Variants in PCDHGA3 observed in about 807,000 individuals in gnomAD.
PCDHGA3 encodes the protein protocadherin gamma subfamily A, 3, also known as protocadherin gamma-A3.
PCDHGA3 carries 40 observed loss-of-function variants against 58.5 expected under a neutral mutation model. That is an observed-to-expected ratio of 0.68 (90% CI 0.53 to 0.89). PCDHGA3 has a LOEUF of 0.89. Among genes scored for constraint, PCDHGA3 ranks in the 40% least tolerant of loss-of-function variants. The pLI is 0.00. For synonymous variants in PCDHGA3, 530 were observed against 525.7 expected (o/e 1.01, Z -0.11); for missense variants, 1,223 against 1,195.9 (o/e 1.02, Z -0.33).
At chr5:141,420,811 CT>C (rs2096526727) in intron 1 of PCDHGA3, among the ~76,000 whole-genome samples, 1 of 152,214 alleles carries the variant, frequency 6.6e-6, no homozygotes, top group Admixed American at 6.5e-5. Flanking sequence ...TAAGCAAGCC[CT>C]TTTAATAATT....
intron 1 of PCDHGA3, among the ~76,000 whole-genome samples, chr5:141,406,715 A>G (rs2094843333): frequency 6.6e-6 from 1 of 152,252 alleles, no homozygotes; most frequent in Non-Finnish European, 1.5e-5. Flanking sequence ...CTTGCTCAAG[A>G]GAAGTTTCTA....
At chr5:141,435,728 A>T (rs549219746) in intron 1 of PCDHGA3, among the ~76,000 whole-genome samples, 1 of 152,200 alleles carries the variant, frequency 6.6e-6, no homozygotes, top group Non-Finnish European at 1.5e-5. Flanking sequence ...GCTAAAGTGT[A>T]TTACTCTTTG....
chr5:141,384,924 G>A (rs1467129756), intron 1 of PCDHGA3: 2 of 1,613,840 alleles, frequency 1.2e-6, no homozygotes, highest in African/African-American at 2.7e-5. Flanking sequence ...TGGCCGACCT[G>A]GGCAGCCTTG....
At chr5:141,394,282 C>G (rs375429182) in intron 1 of PCDHGA3, 11 of 1,613,864 alleles carry the variant, frequency 6.8e-6, no homozygotes, top group Non-Finnish European at 8.5e-6. Flanking sequence ...GTCACTTACT[C>G]TGTGACCGAG....
intron 1 of PCDHGA3, chr5:141,408,214 C>G (rs1225368283): frequency 1.3e-6 from 2 of 1,555,192 alleles, no homozygotes; most frequent in Admixed American, 2.0e-5. Context: ...TGGGAGGGAG[C>G]TGCGCGCAGA....
At position 141,418,010 on chromosome 5, in the gene PCDHGA3, G is replaced by T. The variant is rs185303697; in HGVS notation, c.2424+71553G>T. Reference sequence around the variant, plus strand: ...CAAGGGCTCGGTGGTGGGGAACCTCGCTAAGGATCTAGGGCTTAGTGTCCT... The same window carrying T: ...CAAGGGCTCGGTGGTGGGGAACCTCTCTAAGGATCTAGGGCTTAGTGTCCT... On this transcript the variant is annotated intron_variant, in intron 1 of 3. Coordinates refer to ENST00000253812, the MANE Select transcript of PCDHGA3 (RefSeq NM_018916.4). 2.9e-5 allele frequency: 46 copies of T among 1,613,912 alleles called. No individual in the cohort carries two copies. The Middle Eastern group carries it at 5.0e-4, about 17-fold the overall frequency.
chr5:141,466,401 T>A (rs2099122186), intron 1 of PCDHGA3, among the ~76,000 whole-genome samples: 1 of 152,210 alleles, frequency 6.6e-6, no homozygotes, highest in Non-Finnish European at 1.5e-5. Flanking sequence ...TTTGCTCAAC[T>A]TTAATTTTTC....
intron 1 of PCDHGA3, chr5:141,419,472 G>A (rs1392935171): frequency 6.2e-7 from 1 of 1,612,330 alleles, no homozygotes; most frequent in Non-Finnish European, 8.5e-7. Flanking sequence ...CGCGACCAGG[G>A]CTCGCCCGCG....
chr5:141,357,616 C>T, intron 1 of PCDHGA3: 1 of 1,613,818 alleles, frequency 6.2e-7, no homozygotes, highest in Non-Finnish European at 8.5e-7. Context: ...AGACCCTAAT[C>T]TTCAGGTGAG....
chr5:141,492,616 G>A (rs976681246), intron 1 of PCDHGA3, among the ~76,000 whole-genome samples: 1 of 152,252 alleles, frequency 6.6e-6, no homozygotes. Flanking sequence ...CTAAGTGCCG[G>A]GCGGGCAGGA....
Position 141,393,514 on chromosome 5 carries a change from A to T in PCDHGA3, c.2424+47057A>T, listed in dbSNP as rs72492419. 17 of 1,613,912 alleles carry T rather than the reference A, an allele frequency of 1.1e-5. No individual in the cohort carries two copies. In the East Asian group the frequency reaches 3.8e-4, roughly 36 times the overall value. Reference sequence around the variant, plus strand: ...GTGCGCATCCACGTGACAGTGTTGGATACAAATGACAATGCCCCGGTTTTT... The same window carrying T: ...GTGCGCATCCACGTGACAGTGTTGGTTACAAATGACAATGCCCCGGTTTTT... On this transcript the variant is annotated intron_variant, in intron 1 of 3. Coordinates refer to ENST00000253812, the MANE Select transcript of PCDHGA3 (RefSeq NM_018916.4).
At chr5:141,434,462 C>T (rs2097695951) in intron 1 of PCDHGA3, among the ~76,000 whole-genome samples, 1 of 152,156 alleles carries the variant, frequency 6.6e-6, no homozygotes, top group Non-Finnish European at 1.5e-5. Flanking sequence ...GTGGGTTTAC[C>T]GGAATGAGGG....
intron 1 of PCDHGA3, among the ~76,000 whole-genome samples, chr5:141,484,720 G>A (rs1458277947): frequency 2.6e-5 from 4 of 151,988 alleles, no homozygotes; most frequent in African/African-American, 7.2e-5. Flanking sequence ...GAAAAGGGGC[G>A]GGGTCAGTCG....
intron 1 of PCDHGA3, chr5:141,415,512 T>G (rs997659180): frequency 3.1e-6 from 5 of 1,614,234 alleles, no homozygotes; most frequent in Non-Finnish European, 4.2e-6. Context: ...AGCCCAATTA[T>G]GCGGACACGC....
rs1309165721 is a variant in PCDHGA3 at position 141,430,655 on chromosome 5, G to A, written c.2425-64152G>A. On this transcript the variant is annotated intron_variant, in intron 1 of 3. Coordinates refer to ENST00000253812, the MANE Select transcript of PCDHGA3 (RefSeq NM_018916.4). Reference sequence around the variant, plus strand: ...ATCCCTGGGAGTATGTGGAAACAACGGAGGAGCTCTGACTTCCCAACTGTC... The same window carrying A: ...ATCCCTGGGAGTATGTGGAAACAACAGAGGAGCTCTGACTTCCCAACTGTC... 4.6e-6 allele frequency: 5 copies of A among 1,084,938 alleles called. No individual in the cohort carries two copies. In the East Asian group the frequency reaches 7.8e-5, roughly 17 times the overall value. 67.2% of individuals were successfully genotyped at this position (1,084,938 alleles called of 1,614,324 possible).
At chr5:141,465,284 A>C (rs2099100147) in intron 1 of PCDHGA3, among the ~76,000 whole-genome samples, 1 of 152,176 alleles carries the variant, frequency 6.6e-6, no homozygotes, top group African/African-American at 2.4e-5. Flanking sequence ...TTCACCCCTA[A>C]AGAACTGAGA....
At chr5:141,400,186 TACCTAG>T (rs1474148355) in intron 1 of PCDHGA3, 1 of 1,614,068 alleles carries the variant, frequency 6.2e-7, no homozygotes, top group Non-Finnish European at 8.5e-7. Flanking sequence ...GCTGCAGTTT[TACCTAG>T]TGGTGGCCTT....
At chr5:141,374,003 C>A in intron 1 of PCDHGA3, 1 of 1,320,442 alleles carries the variant, frequency 7.6e-7, no homozygotes. Context: ...GGACCTTCAC[C>A]GCTATTTCTG....
At chr5:141,408,618 A>C (rs1264915663) in intron 1 of PCDHGA3, 1 of 1,614,024 alleles carries the variant, frequency 6.2e-7, no homozygotes, top group Admixed American at 1.7e-5. Flanking sequence ...AAGGAAATAC[A>C]TTTAGAAATT....
Sources: allele counts gnomAD v4.1 joint callset (sites outside exome capture counted in the v4.1 genomes callset), GRCh38; gene constraint gnomAD v4.1.1; transcripts MANE v1.5; gene names NCBI Gene and HGNC (gene_info 2026-07-23, HGNC 2026-07-21).